Variants in SPEF2 observed in about 807,000 individuals in gnomAD.
SPEF2 encodes the protein sperm flagella and cilia-associated protein 2.
SPEF2 carries 187 observed loss-of-function variants against 224.6 expected under a neutral mutation model. The ratio of observed to expected loss-of-function variants is 0.83; its 90% CI spans 0.74 to 0.94. SPEF2 has a LOEUF of 0.94. Among genes scored for constraint, SPEF2 ranks in the 40% least tolerant of loss-of-function variants. The pLI, the probability that SPEF2 is intolerant of heterozygous loss-of-function variation, is 0.00. For synonymous variants in SPEF2, 715 were observed against 707.3 expected, an observed-to-expected ratio of 1.01 and a Z score of -0.17; for missense variants, 2,170 against 2,135.6, an observed-to-expected ratio of 1.02 and a Z score of -0.32.
intron 34 of SPEF2, among the ~76,000 whole-genome samples, chr5:35,803,542 C>A (rs1757714030): frequency 1.3e-5 from 2 of 152,174 alleles, no homozygotes; most frequent in African/African-American, 4.8e-5. Flanking sequence ...CTCTCTCACA[C>A]ACAGGCCTGT....
In SPEF2 at chr5:35,773,955, A is replaced by G; in HGVS notation, c.4012A>G (p.Ile1338Val). 1.2e-6 allele frequency: 2 copies of G among 1,613,468 alleles called. No individual in the cohort carries two copies. The highest frequency in any genetic ancestry group is 1.7e-6 in the Non-Finnish European group (2 of 1,179,632). Residue 1338 changes from isoleucine to valine, a missense_variant, in exon 28 of 37, where the codon ATC becomes GTC. Physicochemically the swap from Ile to Val is conservative, Grantham distance 29 (BLOSUM62 3). Transcript: ENST00000356031. ...VIVTTEEIAE[I>V]KRKNELRVKI... ...AGTAACAACAGAGGAAATTGCTGAAATCAAAAGGAAAAATGAACTGAGGGT... is the reference window on the plus strand; with the variant it reads ...AGTAACAACAGAGGAAATTGCTGAAGTCAAAAGGAAAAATGAACTGAGGGT...
intron 4 of SPEF2, 193 bp from the exon 5 acceptor site, chr5:35,646,474 A>G (rs1019897815): frequency 3.3e-5 from 15 of 459,046 alleles, no homozygotes; most frequent in Non-Finnish European, 5.4e-5. Flanking sequence ...GTGTTTTAAT[A>G]TCATGCTTTT....
At chr5:35,741,406 G>C (rs560496891) in intron 23 of SPEF2, among the ~76,000 whole-genome samples, 11 of 152,204 alleles carry the variant, frequency 7.2e-5, no homozygotes, top group Admixed American at 3.9e-4. Flanking sequence ...GGCACTGAAG[G>C]GGGAGGACAC....
intron 2 of SPEF2, among the ~76,000 whole-genome samples, chr5:35,636,827 T>A (rs551131874): frequency 1.6e-4 from 24 of 151,762 alleles, no homozygotes; most frequent in African/African-American, 5.3e-4. Context: ...ATACAAAAAA[T>A]TAGCTGGGTA....
At chr5:35,806,583 T>C (rs1758087801) in intron 34 of SPEF2, 124 bp from the exon 35 acceptor site, 2 of 1,221,566 alleles carry the variant, frequency 1.6e-6, no homozygotes, top group East Asian at 5.0e-5. Flanking sequence ...ACTGGTTAGC[T>C]AGTTTGTGGT....
In SPEF2 at chr5:35,739,918, G is replaced by A; in HGVS notation, c.3064-1G>A. 1 of 1,612,848 alleles carries A rather than the reference G, an allele frequency of 6.2e-7. No homozygotes were observed. Among genetic ancestry groups the A allele is most frequent in the Non-Finnish European group, 8.5e-7 (1 of 1,179,748 alleles). On this transcript the variant is annotated splice_acceptor_variant, in intron 21 of 36. Transcript: ENST00000356031. LOFTEE classifies it high-confidence loss of function. ...AGTTTCTACACTTTACCATTTAACAGGAAATGCCTTTGTTTTTAGTACCTT... is the reference window on the plus strand; with the variant it reads ...AGTTTCTACACTTTACCATTTAACAAGAAATGCCTTTGTTTTTAGTACCTT...
At chr5:35,726,351 G>A (rs535367755) in intron 20 of SPEF2, among the ~76,000 whole-genome samples, 5 of 152,232 alleles carry the variant, frequency 3.3e-5, no homozygotes, top group African/African-American at 1.2e-4. Context: ...TGATCATAGA[G>A]TTATCATTTG....
At chr5:35,811,942 G>A (rs528330916) in intron 36 of SPEF2, among the ~76,000 whole-genome samples, 39 of 151,668 alleles carry the variant, frequency 2.6e-4, no homozygotes, top group East Asian at 3.9e-4. Flanking sequence ...CTGCCACCAC[G>A]CCCGACTAAT....
At chr5:35,749,889 T>C (rs1338017557) in intron 23 of SPEF2, among the ~76,000 whole-genome samples, 5 of 152,078 alleles carry the variant, frequency 3.3e-5, no homozygotes, top group Non-Finnish European at 5.9e-5. Context: ...AGAAACTACA[T>C]TGCCAAAGCA....
intron 30 of SPEF2, chr5:35,788,283 G>A (rs1029641831): frequency 2.8e-6 from 2 of 702,912 alleles, no homozygotes; most frequent in African/African-American, 3.5e-5. Context: ...GCCAAGACCG[G>A]ACGTCCCCTC....
rs1350742422 is a variant in SPEF2 at position 35,709,055 on chromosome 5, G to A, written c.2773G>A (p.Glu925Lys). 1.2e-6 allele frequency: 2 copies of A among 1,613,896 alleles called. No homozygotes were observed. The highest frequency in any genetic ancestry group is 1.7e-6 in the Non-Finnish European group (2 of 1,179,950). The change falls in exon 19 of 37, where the codon GAG becomes AAG. Residue 925 changes from glutamate (E) to lysine (K), a missense_variant. Transcript: ENST00000356031. ...TGCTCCTCCTCCTGAACCAGAAAAA[G>A]AGAAGGAAATTCATCAAAGCCATGT... ...PPAPPPEPEK[E>K]KEIHQSHVAS...
intron 26 of SPEF2, among the ~76,000 whole-genome samples, chr5:35,770,552 C>T (rs1486152105): frequency 1.3e-5 from 2 of 152,182 alleles, no homozygotes; most frequent in Non-Finnish European, 2.9e-5. Context: ...CACTCTTGTA[C>T]ACTCTACTTC....
At chr5:35,727,079 A>G (rs1209729575) in intron 20 of SPEF2, among the ~76,000 whole-genome samples, 5 of 145,848 alleles carry the variant, frequency 3.4e-5, no homozygotes, top group Non-Finnish European at 7.4e-5. Flanking sequence ...CTTATGCCAC[A>G]GCAACTACCT....
intron 8 of SPEF2, among the ~76,000 whole-genome samples, chr5:35,659,995 T>C (rs964203807): frequency 1.3e-5 from 2 of 152,082 alleles, no homozygotes; most frequent in Non-Finnish European, 2.9e-5. Flanking sequence ...GCACTGTAGT[T>C]GAGAATGGTA....
intron 30 of SPEF2, among the ~76,000 whole-genome samples, chr5:35,784,576 A>C (rs944761959): frequency 2.0e-5 from 3 of 152,222 alleles, no homozygotes; most frequent in Non-Finnish European, 4.4e-5. Flanking sequence ...GTGAGTCAGC[A>C]TGAGGGTTAG....
chr5:35,716,776 A>G (rs10057421), intron 20 of SPEF2, among the ~76,000 whole-genome samples: 114,261 of 152,012 alleles, frequency 0.75, 43,306 homozygotes, highest in Middle Eastern at 0.83. Context: ...TTGCAGGTGA[A>G]CACCATTAAT....
At chr5:35,646,157 T>C (rs1747338804) in intron 4 of SPEF2, among the ~76,000 whole-genome samples, 1 of 152,210 alleles carries the variant, frequency 6.6e-6, no homozygotes, top group South Asian at 2.1e-4. Flanking sequence ...TAATTTATTG[T>C]TAATTCAATT....
At chr5:35,716,466 A>C (rs10037620) in intron 20 of SPEF2, among the ~76,000 whole-genome samples, 3 of 151,930 alleles carry the variant, frequency 2.0e-5, no homozygotes, top group Non-Finnish European at 2.9e-5. Flanking sequence ...ATTAGACATA[A>C]TTAACACATG....
At position 35,771,560 on chromosome 5, in the gene SPEF2, A is replaced by G. The variant is rs747174147; in HGVS notation, c.3802-49A>G. On this transcript the variant is annotated intron_variant, in intron 26 of 36. Coordinates refer to ENST00000356031, the MANE Select transcript of SPEF2 (RefSeq NM_024867.4). ...TAATGACTACATCCAAATGGTTGCC[A>G]TATTTTGTAAATGAGACATTAACTG... 19 of 1,575,498 alleles carry G rather than the reference A, an allele frequency of 1.2e-5. No individual in the cohort carries two copies. In the South Asian group the frequency reaches 1.9e-4, roughly 16 times the overall value.
Sources: allele counts gnomAD v4.1 joint callset (sites outside exome capture counted in the v4.1 genomes callset), GRCh38; gene constraint gnomAD v4.1.1; transcripts MANE v1.5; gene names NCBI Gene and HGNC (gene_info 2026-07-23, HGNC 2026-07-21).